TRAPPC9: variants seen among roughly 807,000 people sequenced by gnomAD.
TRAPPC9 encodes IKK2 binding protein.
In TRAPPC9, 83 loss-of-function variants were observed where a neutral mutation model predicts 124.0. The observed-to-expected ratio is 0.67, with a 90% confidence interval of 0.56 to 0.80. TRAPPC9 has a LOEUF of 0.80. TRAPPC9 is among the 30% of genes least tolerant of loss of function. The probability of loss-of-function intolerance (pLI) is 0.00; values close to 1 mark genes in which losing one functional copy is unlikely to be tolerated. For missense variants in TRAPPC9, 1,302 were observed against 1,508.3 expected, an observed-to-expected ratio of 0.86 and a Z score of 2.27; for synonymous variants, 638 against 617.5, an observed-to-expected ratio of 1.03 and a Z score of -0.49.
intron 19 of TRAPPC9, chr8:139,931,473 T>C (rs576968444): frequency 6.6e-6 from 1 of 152,350 alleles, no homozygotes; most frequent in East Asian, 1.9e-4. Context: ...TGGAACCCTG[T>C]CTGTGGTGTC....
chr8:140,002,201 C>T (rs1838448960), intron 18 of TRAPPC9, among the ~76,000 whole-genome samples: 1 of 151,236 alleles, frequency 6.6e-6, no homozygotes, highest in African/African-American at 2.4e-5. Flanking sequence ...AAGCATCTGA[C>T]AAAACTCAAA....
At chr8:139,799,118 C>T (rs758719129) in intron 21 of TRAPPC9, among the ~76,000 whole-genome samples, 1 of 152,140 alleles carries the variant, frequency 6.6e-6, no homozygotes, top group Non-Finnish European at 1.5e-5. Context: ...AGTTTGTAAT[C>T]CCTAATGCTG....
Position 140,172,185 on chromosome 8 carries a change from T to C in TRAPPC9, c.2556+49274A>G, listed in dbSNP as rs189429508. ...TGGCATTGCACTGGACCAGAAAGCA[T>C]GAGCACCTGTGGAGCACAGCAACGT... On this transcript the variant is annotated intron_variant, in intron 17 of 22. Transcript: ENST00000438773. 2.6e-3 allele frequency among the ~76,000 whole-genome samples: 401 copies of C among 152,194 alleles called. 1 individual carries two copies. The highest frequency in any genetic ancestry group is 6.8e-3 in the Middle Eastern group (2 of 294).
intron 16 of TRAPPC9, among the ~76,000 whole-genome samples, chr8:140,242,275 G>C (rs2063877766): frequency 6.6e-6 from 1 of 152,210 alleles, no homozygotes; most frequent in African/African-American, 2.4e-5. Flanking sequence ...GGCCAGGCTA[G>C]TGACAGCGAA....
At chr8:139,770,067 C>G (rs570620145) in intron 21 of TRAPPC9, among the ~76,000 whole-genome samples, 2 of 152,370 alleles carry the variant, frequency 1.3e-5, no homozygotes, top group South Asian at 4.1e-4. Flanking sequence ...CCTGGAAGAC[C>G]CTGGCCACCC....
chr8:140,313,168 C>A (rs1269975734), intron 9 of TRAPPC9, among the ~76,000 whole-genome samples: 1 of 152,126 alleles, frequency 6.6e-6, no homozygotes, highest in Non-Finnish European at 1.5e-5. Context: ...TTTAAATAAC[C>A]AAATCATTCT....
At chr8:139,968,645 C>A (rs1252125779) in intron 19 of TRAPPC9, among the ~76,000 whole-genome samples, 2 of 152,194 alleles carry the variant, frequency 1.3e-5, no homozygotes, top group African/African-American at 4.8e-5. Context: ...CAGGAGCCTG[C>A]CACAGAAGAG....
chr8:140,083,129 G>A (rs372321022), intron 17 of TRAPPC9, among the ~76,000 whole-genome samples: 2 of 152,218 alleles, frequency 1.3e-5, no homozygotes, highest in African/African-American at 2.4e-5. Context: ...GAAGGCGGAG[G>A]TTGCAGTGAG....
chr8:139,923,221 C>T (rs1052852243), intron 19 of TRAPPC9, among the ~76,000 whole-genome samples: 1 of 152,216 alleles, frequency 6.6e-6, no homozygotes, highest in Admixed American at 6.5e-5. Flanking sequence ...GGAGCTGAAC[C>T]TATACAAGAA....
At chr8:139,885,041 C>T (rs140608365) in intron 21 of TRAPPC9, among the ~76,000 whole-genome samples, 49 of 152,272 alleles carry the variant, frequency 3.2e-4, no homozygotes, top group East Asian at 2.7e-3. Flanking sequence ...ATTAATGAAC[C>T]GGATCCTGGA....
intron 17 of TRAPPC9, among the ~76,000 whole-genome samples, chr8:140,191,998 G>T (rs566441043): frequency 1.6e-4 from 25 of 152,140 alleles, no homozygotes; most frequent in Non-Finnish European, 3.2e-4. Flanking sequence ...CTAAAATGAG[G>T]ATTTGAAAAG....
intron 19 of TRAPPC9, among the ~76,000 whole-genome samples, chr8:139,959,308 C>A (rs901463561): frequency 1.3e-5 from 2 of 152,276 alleles, no homozygotes; most frequent in African/African-American, 4.8e-5. Context: ...ACGCCAACTT[C>A]ACCGAGCACT....
chr8:139,819,550 C>T (rs1052218617), intron 21 of TRAPPC9, among the ~76,000 whole-genome samples: 10 of 152,112 alleles, frequency 6.6e-5, no homozygotes, highest in South Asian at 2.1e-4. Context: ...TGCACAGAGG[C>T]GGCATATGGA....
At chr8:139,968,381 G>A (rs1463567383) in intron 19 of TRAPPC9, among the ~76,000 whole-genome samples, 1 of 152,142 alleles carries the variant, frequency 6.6e-6, no homozygotes, top group East Asian at 1.9e-4. Flanking sequence ...AGGAGGGGAT[G>A]CCCAGTCTGA....
chr8:139,858,856 C>T (rs967736122), intron 21 of TRAPPC9, among the ~76,000 whole-genome samples: 9 of 151,234 alleles, frequency 6.0e-5, no homozygotes, highest in African/African-American at 9.7e-5. Flanking sequence ...CCTCCCCACC[C>T]GCTCTAAACC....
intron 21 of TRAPPC9, among the ~76,000 whole-genome samples, chr8:139,819,553 C>T (rs1825106958): frequency 6.6e-6 from 1 of 152,158 alleles, no homozygotes. Flanking sequence ...ACAGAGGCGG[C>T]ATATGGAAGA....
At chr8:139,896,898 C>T (rs924161153) in intron 20 of TRAPPC9, among the ~76,000 whole-genome samples, 7 of 152,192 alleles carry the variant, frequency 4.6e-5, no homozygotes, top group Non-Finnish European at 1.0e-4. Flanking sequence ...ATGAAGTTTC[C>T]AAATCGTCAA....
At chr8:140,140,059 TG>T (rs2061360876) in intron 17 of TRAPPC9, among the ~76,000 whole-genome samples, 1 of 152,162 alleles carries the variant, frequency 6.6e-6, no homozygotes, top group Admixed American at 6.5e-5. Context: ...GGGGTGCTTG[TG>T]TGCAGTGAGT....
intron 18 of TRAPPC9, among the ~76,000 whole-genome samples, chr8:140,014,980 A>G (rs75258568): frequency 1.3e-5 from 2 of 152,256 alleles, no homozygotes; most frequent in African/African-American, 4.8e-5. Flanking sequence ...GAAAAACTGC[A>G]GAAATTATCA....
Sources: allele counts gnomAD v4.1 joint callset (sites outside exome capture counted in the v4.1 genomes callset), GRCh38; gene constraint gnomAD v4.1.1; transcripts MANE v1.5; gene names NCBI Gene and HGNC (gene_info 2026-07-23, HGNC 2026-07-21).